The following CNTNAP2 variants were observed in gnomAD, a reference collection of about 807,000 sequenced individuals.
The protein encoded by CNTNAP2 is contactin-associated protein-like 2.
Under a neutral mutation model 155.2 loss-of-function variants are expected in CNTNAP2, and 98 were observed. The observed-to-expected ratio is 0.63, with a 90% CI of 0.54 to 0.75. The LOEUF is 0.75. Among genes scored for constraint, CNTNAP2 ranks in the 30% least tolerant of loss-of-function variants. The probability of loss-of-function intolerance (pLI) is 0.00; values close to 1 mark genes in which losing one functional copy is unlikely to be tolerated. For missense variants in CNTNAP2, 1,727 were observed against 1,688.1 expected, an observed-to-expected ratio of 1.02 and a Z score of -0.40; for synonymous variants, 651 against 631.2, an observed-to-expected ratio of 1.03 and a Z score of -0.47.
chr7:146,605,845 A>G (rs973068812), intron 1 of CNTNAP2, among the ~76,000 whole-genome samples: 4 of 152,136 alleles, frequency 2.6e-5, no homozygotes, highest in African/African-American at 9.7e-5. Flanking sequence ...ATGCTGTTGA[A>G]AAGTCTAAAA....
At position 148,106,493 on chromosome 7, in the gene CNTNAP2, G is replaced by GATATATATAT. The variant is rs10532740; in HGVS notation, c.2384-11607_2384-11598dup. 6.1e-3 allele frequency among the ~76,000 whole-genome samples: 760 copies of GATATATATAT among 124,854 alleles called. 18 individuals are homozygous for GATATATATAT. Among genetic ancestry groups the GATATATATAT allele is most frequent in the African/African-American group, 0.025 (722 of 28,940 alleles). 81.9% of individuals were successfully genotyped at this position (124,854 alleles called of 152,430 possible). On this transcript the variant is annotated intron_variant, in intron 15 of 23. Coordinates refer to ENST00000361727, the MANE Select transcript of CNTNAP2 (RefSeq NM_014141.6). Reference sequence around the variant, plus strand: ...CACTTCAGTGTACTGCACACTTTGAGATATATATATATATATATATATATA... The same window carrying GATATATATAT: ...CACTTCAGTGTACTGCACACTTTGAGATATATATATATATATATATATATATATATATATA...
intron 1 of CNTNAP2, among the ~76,000 whole-genome samples, chr7:146,633,904 A>G (rs1799554749): frequency 1.3e-5 from 2 of 150,274 alleles, no homozygotes; most frequent in African/African-American, 4.9e-5. Flanking sequence ...TTTTGGAGTC[A>G]TCTTAAAAAG....
At chr7:146,377,457 A>G (rs1795319474) in intron 1 of CNTNAP2, among the ~76,000 whole-genome samples, 1 of 152,134 alleles carries the variant, frequency 6.6e-6, no homozygotes, top group Non-Finnish European at 1.5e-5. Flanking sequence ...ACTGATGACT[A>G]TTAAGAATAT....
At chr7:147,738,289 G>A (rs1288492197) in intron 13 of CNTNAP2, among the ~76,000 whole-genome samples, 3 of 152,184 alleles carry the variant, frequency 2.0e-5, no homozygotes, top group African/African-American at 7.2e-5. Context: ...CGGGATTTGA[G>A]AGGACTGACT....
intron 8 of CNTNAP2, among the ~76,000 whole-genome samples, chr7:147,138,937 CA>C (rs1801543833): frequency 6.6e-6 from 1 of 151,550 alleles, no homozygotes. Flanking sequence ...GACTGTGTTT[CA>C]AAAGCTTCAG....
At chr7:146,296,996 GTGT>G (rs1354681302) in intron 1 of CNTNAP2, among the ~76,000 whole-genome samples, 7 of 152,062 alleles carry the variant, frequency 4.6e-5, no homozygotes, top group African/African-American at 1.7e-4. Context: ...GTGTGTGTTT[GTGT>G]TGTTCTAATA....
chr7:146,923,478 T>C (rs902105042), intron 3 of CNTNAP2, among the ~76,000 whole-genome samples: 2 of 152,182 alleles, frequency 1.3e-5, no homozygotes, highest in Non-Finnish European at 2.9e-5. Context: ...GTCGCTAGCA[T>C]ATAATATGTG....
intron 1 of CNTNAP2, among the ~76,000 whole-genome samples, chr7:146,543,575 T>C (rs1797986575): frequency 6.6e-6 from 1 of 151,900 alleles, no homozygotes; most frequent in Admixed American, 6.6e-5. Flanking sequence ...GGCTTCAGCT[T>C]TGAGAAGCTC....
At chr7:146,213,457 TGAC>T (rs1462585166) in intron 1 of CNTNAP2, among the ~76,000 whole-genome samples, 1 of 152,192 alleles carries the variant, frequency 6.6e-6, no homozygotes, top group East Asian at 1.9e-4. Flanking sequence ...TTTATTTACA[TGAC>T]GACACTGAAA....
At chr7:147,283,147 A>G (rs2116729950) in intron 8 of CNTNAP2, among the ~76,000 whole-genome samples, 1 of 152,054 alleles carries the variant, frequency 6.6e-6, no homozygotes, top group East Asian at 1.9e-4. Context: ...TTTTTGACAC[A>G]TCTATACCCC....
rs191710868 is a variant in CNTNAP2, at chr7:146,385,144, A to T, written c.97+268171A>T. Among the ~76,000 whole-genome samples the T allele has an allele frequency of 2.9e-3, 433 of 150,908 alleles. 1 individual carries two copies. The highest frequency in any genetic ancestry group is 6.9e-3 in the Middle Eastern group (2 of 288). On this transcript the variant is annotated intron_variant, in intron 1 of 23. Coordinates refer to ENST00000361727, the MANE Select transcript of CNTNAP2 (RefSeq NM_014141.6). ...CCATTGTATGAAATCACCATATTCC[A>T]TTTTTTTTTCTACCACTAGGTTTCC...
chr7:146,913,514 T>C (rs563884669), intron 3 of CNTNAP2, among the ~76,000 whole-genome samples: 2 of 152,276 alleles, frequency 1.3e-5, no homozygotes, highest in East Asian at 3.9e-4. Context: ...CTGAGAAGTC[T>C]AAAACCAGGG....
At chr7:146,958,598 G>A (rs185273190) in intron 3 of CNTNAP2, among the ~76,000 whole-genome samples, 2,343 of 151,222 alleles carry the variant, frequency 0.015, 57 homozygotes, top group African/African-American at 0.05. Flanking sequence ...TATTTTTAGT[G>A]GAGACGGGGT....
At chr7:146,404,463 A>T (rs1795762175) in intron 1 of CNTNAP2, among the ~76,000 whole-genome samples, 1 of 152,186 alleles carries the variant, frequency 6.6e-6, no homozygotes, top group African/African-American at 2.4e-5. Context: ...GTTCAAGCTT[A>T]GTTTCTCCCT....
chr7:146,239,729 T>C (rs1010579939), intron 1 of CNTNAP2, among the ~76,000 whole-genome samples: 3 of 152,212 alleles, frequency 2.0e-5, no homozygotes, highest in South Asian at 2.1e-4. Context: ...ACTTGTGTTT[T>C]ATAGTCAAAG....
At chr7:147,010,916 G>A (rs533414834) in intron 3 of CNTNAP2, among the ~76,000 whole-genome samples, 1 of 152,226 alleles carries the variant, frequency 6.6e-6, no homozygotes, top group East Asian at 1.9e-4. Context: ...GTAAAGGGAA[G>A]AAATGGTACC....
chr7:147,537,666 A>G (rs1799569202), intron 11 of CNTNAP2, among the ~76,000 whole-genome samples: 1 of 152,334 alleles, frequency 6.6e-6, no homozygotes, highest in Non-Finnish European at 1.5e-5. Flanking sequence ...AATCTAGATC[A>G]TGTGGACTTT....
chr7:146,483,758 C>T (rs953282236), intron 1 of CNTNAP2, among the ~76,000 whole-genome samples: 17 of 151,856 alleles, frequency 1.1e-4, no homozygotes, highest in Non-Finnish European at 2.2e-4. Context: ...TACAGCTGTA[C>T]AACGTGTTTG....
intron 1 of CNTNAP2, among the ~76,000 whole-genome samples, chr7:146,720,761 C>T (rs1429271576): frequency 6.6e-6 from 1 of 151,002 alleles, no homozygotes; most frequent in African/African-American, 2.4e-5. Context: ...TGTTAATAAA[C>T]TATTATAGAC....
Sources: allele counts gnomAD v4.1 joint callset (sites outside exome capture counted in the v4.1 genomes callset), GRCh38; gene constraint gnomAD v4.1.1; transcripts MANE v1.5; gene names NCBI Gene and HGNC (gene_info 2026-07-23, HGNC 2026-07-21).